Variants in PSEN1 observed in about 807,000 individuals in gnomAD.
PSEN1 encodes presenilin 1.
A neutral mutation model predicts 53.5 loss-of-function variants in PSEN1; 15 were observed. That is an observed-to-expected ratio of 0.28 (90% CI 0.19 to 0.43). The LOEUF (loss-of-function observed/expected upper bound fraction) is 0.43. PSEN1 is among the 20% of genes least tolerant of loss of function. PSEN1 has a pLI of 1.00. For synonymous variants in PSEN1, 208 were observed against 209.8 expected, an observed-to-expected ratio of 0.99 and a Z score of 0.08; for missense variants, 387 against 571.2, an observed-to-expected ratio of 0.68 and a Z score of 3.29.
intron 8 of PSEN1, among the ~76,000 whole-genome samples, chr14:73,201,075 T>TTTTG (rs78560838): frequency 0.046 from 6,870 of 150,928 alleles, 340 homozygotes; most frequent in African/African-American, 0.12. Flanking sequence ...GAGAATATCT[T>TTTTG]TTTGTTTGTT....
At chr14:73,176,702 T>C (rs1898057536) in intron 5 of PSEN1, among the ~76,000 whole-genome samples, 1 of 152,256 alleles carries the variant, frequency 6.6e-6, no homozygotes, top group Non-Finnish European at 1.5e-5. Flanking sequence ...AGTATAGCTT[T>C]ACATCTGCCT....
At chr14:73,141,568 T>C (rs1896926274) in intron 1 of PSEN1, among the ~76,000 whole-genome samples, 1 of 150,956 alleles carries the variant, frequency 6.6e-6, no homozygotes, top group Admixed American at 6.6e-5. Flanking sequence ...TCACCTGAGG[T>C]CAGGAGTTCG....
intron 4 of PSEN1, among the ~76,000 whole-genome samples, chr14:73,171,819 TATTA>T (rs1466241062): frequency 1.3e-5 from 2 of 152,220 alleles, no homozygotes; most frequent in East Asian, 1.9e-4. Flanking sequence ...CATACTGGCG[TATTA>T]ATTCTTTGAA....
rs77983620 is a variant in PSEN1 at position 73,187,132 on chromosome 14, A to T, written c.548+212A>T. Among the ~76,000 whole-genome samples, 4,753 of 152,328 alleles carry T rather than the reference A, an allele frequency of 0.031. 111 individuals are homozygous for T. The highest frequency in any genetic ancestry group is 0.092 in the Middle Eastern group (27 of 294). ...TGCTTATAATAAGTAGAACTGAAAG[A>T]ACTTAAGACTACAGTTAATTCTAAG... On this transcript the variant is annotated intron_variant, in intron 6 of 11. Transcript: ENST00000324501.
chr14:73,186,230 T>G (rs974237906), intron 5 of PSEN1, among the ~76,000 whole-genome samples: 2 of 151,902 alleles, frequency 1.3e-5, no homozygotes, highest in African/African-American at 2.4e-5. Flanking sequence ...AAATACAGAA[T>G]TAGCCAGGTG....
chr14:73,178,429 C>T (rs1327345264), intron 5 of PSEN1, among the ~76,000 whole-genome samples: 1 of 148,042 alleles, frequency 6.8e-6, no homozygotes, highest in Non-Finnish European at 1.5e-5. Context: ...CTCAAGTGAT[C>T]CGTCTGCCTC....
chr14:73,212,322 G>A (rs1899737666), intron 10 of PSEN1, among the ~76,000 whole-genome samples: 1 of 151,710 alleles, frequency 6.6e-6, no homozygotes, highest in African/African-American at 2.4e-5. Flanking sequence ...TCTTGGGCAG[G>A]CTGGTCTTGA....
Position 73,165,336 on chromosome 14 carries a change from C to T in PSEN1, c.88-5461C>T, listed in dbSNP as rs530833971. 2.0e-5 allele frequency among the ~76,000 whole-genome samples: 3 copies of T among 152,300 alleles called. No individual in the cohort carries two copies. In the South Asian group the frequency reaches 6.2e-4, roughly 32 times the overall value. On this transcript the variant is annotated intron_variant, in intron 3 of 11. Coordinates refer to ENST00000324501, the MANE Select transcript of PSEN1 (RefSeq NM_000021.4). ...TGGTGTCTCACTACATTCCCTGGCT[C>T]AAACGATTCTGGCTCAAACGAATTC...
chr14:73,158,294 A>G (rs911951729), intron 3 of PSEN1, among the ~76,000 whole-genome samples: 3 of 145,806 alleles, frequency 2.1e-5, no homozygotes, highest in African/African-American at 7.8e-5. Context: ...CTATCTATCT[A>G]TCTATCTATC....
chr14:73,195,091 A>G (rs1344940923), intron 7 of PSEN1, among the ~76,000 whole-genome samples: 1 of 152,236 alleles, frequency 6.6e-6, no homozygotes, highest in Non-Finnish European at 1.5e-5. Context: ...TTTGCAAAGT[A>G]ACCATCTATT....
chr14:73,136,903 A>G, intron 1 of PSEN1: 1 of 154,208 alleles, frequency 6.5e-6, no homozygotes, highest in South Asian at 2.0e-4. Context: ...GGAGTAGGAG[A>G]AAGAGGAAGC....
At chr14:73,190,358 G>A (rs1226995303) in intron 6 of PSEN1, among the ~76,000 whole-genome samples, 1 of 151,726 alleles carries the variant, frequency 6.6e-6, no homozygotes, top group Non-Finnish European at 1.5e-5. Flanking sequence ...GCGTGGTGGT[G>A]CATGCCTGTA....
intron 8 of PSEN1, among the ~76,000 whole-genome samples, chr14:73,201,420 A>G (rs1036376862): frequency 6.6e-6 from 1 of 152,140 alleles, no homozygotes; most frequent in African/African-American, 2.4e-5. Context: ...GTCAAAGGTA[A>G]TGAGGACTAA....
intron 5 of PSEN1, 53 bp from the exon 6 acceptor site, chr14:73,186,800 C>G: frequency 6.9e-7 from 1 of 1,455,344 alleles, no homozygotes; most frequent in South Asian, 1.1e-5. Context: ...AAAATCTGTA[C>G]TTTTTAAGGG....
At chr14:73,160,534 C>T (rs1343255035) in intron 3 of PSEN1, among the ~76,000 whole-genome samples, 1 of 152,106 alleles carries the variant, frequency 6.6e-6, no homozygotes, top group Non-Finnish European at 1.5e-5. Flanking sequence ...ATAGTGGTTC[C>T]AATTTCTTCA....
At chr14:73,137,439 C>A (rs1185363782) in intron 1 of PSEN1, among the ~76,000 whole-genome samples, 1 of 152,176 alleles carries the variant, frequency 6.6e-6, no homozygotes, top group African/African-American at 2.4e-5. Context: ...GGAAGTGTCA[C>A]TTTGGAAGTG....
intron 8 of PSEN1, 59 bp from the exon 9 acceptor site, chr14:73,206,326 TG>T: frequency 8.6e-7 from 1 of 1,167,422 alleles, no homozygotes; most frequent in South Asian, 1.2e-5. Context: ...GATGGCTTGT[TG>T]TTGTCTATGC....
In PSEN1 at chr14:73,138,696, C is replaced by T. The variant is rs190669428; in HGVS notation, c.-136+2113C>T. Among the ~76,000 whole-genome samples the T allele has an allele frequency of 3.5e-3, 528 of 151,578 alleles. 16 individuals carry two copies. In the East Asian group the frequency reaches 0.087, roughly 25 times the overall value. On this transcript the variant is annotated intron_variant, in intron 1 of 11. Coordinates refer to ENST00000324501, the MANE Select transcript of PSEN1 (RefSeq NM_000021.4). ...TAAAAAAAGGCCGAGCGCGGTGGCT[C>T]ACCCCTGTAATCCCAGCACTTTGGG...
chr14:73,179,364 C>A (rs1486777656), intron 5 of PSEN1, among the ~76,000 whole-genome samples: 1 of 152,154 alleles, frequency 6.6e-6, no homozygotes, highest in Admixed American at 6.6e-5. Flanking sequence ...CGCCTGTAAT[C>A]CTAACACTTT....
Sources: allele counts gnomAD v4.1 joint callset (sites outside exome capture counted in the v4.1 genomes callset), GRCh38; gene constraint gnomAD v4.1.1; transcripts MANE v1.5; gene names NCBI Gene and HGNC (gene_info 2026-07-23, HGNC 2026-07-21).